TACC2: variants seen among roughly 807,000 people sequenced by gnomAD.
TACC2 encodes the protein transforming acidic coiled-coil containing protein 2.
Under a neutral mutation model 227.3 loss-of-function variants are expected in TACC2, and 137 were observed. The ratio of observed to expected loss-of-function variants is 0.60; its 90% confidence interval spans 0.52 to 0.69. TACC2 has a LOEUF of 0.69. Ranked by LOEUF, TACC2 falls within the 30% of genes least tolerant of loss-of-function variation. The probability of loss-of-function intolerance (pLI) is 0.00; values close to 1 mark genes in which losing one functional copy is unlikely to be tolerated. For missense variants in TACC2, 3,470 were observed against 3,694.4 expected (o/e 0.94, Z 1.57); for synonymous variants, 1,523 against 1,487.5 (o/e 1.02, Z -0.55).
In TACC2 at chr10:122,189,743, A is replaced by T. The variant is rs2094343592; in HGVS notation, c.5835-5297A>T. On this transcript the variant is annotated intron_variant, in intron 7 of 22. Transcript: ENST00000369005. ...GATAATCAGGTAACATTCAAATGTTATATAAACTTTAGATTTCCAGGATGA... is the reference window on the plus strand; with the variant it reads ...GATAATCAGGTAACATTCAAATGTTTTATAAACTTTAGATTTCCAGGATGA... 2.0e-5 allele frequency among the ~76,000 whole-genome samples: 3 copies of T among 152,246 alleles called. No homozygotes were observed. In the South Asian group the frequency reaches 6.2e-4, roughly 31 times the overall value.
intron 7 of TACC2, among the ~76,000 whole-genome samples, chr10:122,181,394 C>T (rs920318492): frequency 1.4e-4 from 21 of 152,096 alleles, no homozygotes; most frequent in Non-Finnish European, 2.8e-4. Flanking sequence ...GTGAAAGATG[C>T]AATAATTTTG....
intron 1 of TACC2, among the ~76,000 whole-genome samples, chr10:122,016,940 A>T (rs553061445): frequency 4.5e-4 from 69 of 152,326 alleles, no homozygotes; most frequent in Middle Eastern, 3.4e-3. Context: ...AGATTAGGAC[A>T]TAGACGGGCA....
At chr10:122,244,293 C>G (rs10887109) in intron 19 of TACC2, among the ~76,000 whole-genome samples, 47,777 of 152,108 alleles carry the variant, frequency 0.31, 8,204 homozygotes, top group South Asian at 0.43. Context: ...CCCTGAGACT[C>G]CTCCAGTGTC....
chr10:122,184,483 C>G (rs1340175676), intron 7 of TACC2, among the ~76,000 whole-genome samples: 1 of 152,188 alleles, frequency 6.6e-6, no homozygotes, highest in African/African-American at 2.4e-5. Flanking sequence ...GTATTGTATC[C>G]AGGACCTGGA....
chr10:122,198,337 G>A (rs1396592930), intron 8 of TACC2, among the ~76,000 whole-genome samples: 3 of 152,192 alleles, frequency 2.0e-5, no homozygotes, highest in African/African-American at 7.2e-5. Flanking sequence ...TCTGTGAAAT[G>A]AAGAGGGTGA....
In TACC2 at chr10:122,022,354, G is replaced by A. The variant is rs1957434800; in HGVS notation, c.33+340G>A. 2.0e-5 allele frequency: 4 copies of A among 201,710 alleles called. No individual in the cohort carries two copies. In the South Asian group the frequency reaches 4.5e-4, roughly 23 times the overall value. The allele number at this position is 201,710 out of a possible 1,614,324, so 12.5% of individuals were successfully genotyped here. A position where few individuals can be genotyped will look rare whatever the true frequency, so the allele number is the denominator to read the frequency against. Reference sequence around the variant, plus strand: ...ACACCTGGACTAAAGCGATCCTCCTGCCACACAGCCTTCCAAGTGTCTGGG... The same window carrying A: ...ACACCTGGACTAAAGCGATCCTCCTACCACACAGCCTTCCAAGTGTCTGGG... On this transcript the variant is annotated intron_variant, in intron 2 of 22. Coordinates refer to ENST00000369005, the MANE Select transcript of TACC2 (RefSeq NM_206862.4).
At chr10:122,116,250 G>T (rs1252163329) in intron 5 of TACC2, among the ~76,000 whole-genome samples, 1 of 152,180 alleles carries the variant, frequency 6.6e-6, no homozygotes, top group Non-Finnish European at 1.5e-5. Context: ...TTGTAATGGA[G>T]GTGTCATTTC....
intron 1 of TACC2, among the ~76,000 whole-genome samples, chr10:122,010,387 AG>A (rs1955777333): frequency 6.6e-6 from 1 of 152,180 alleles, no homozygotes; most frequent in African/African-American, 2.4e-5. Context: ...GTCTGCAGAG[AG>A]GGACGGTATG....
chr10:122,109,485 C>T (rs1252640122), intron 5 of TACC2, among the ~76,000 whole-genome samples: 1 of 152,096 alleles, frequency 6.6e-6, no homozygotes, highest in African/African-American at 2.4e-5. Flanking sequence ...GAGTTTCAGT[C>T]CCACAGCCTG....
intron 6 of TACC2, among the ~76,000 whole-genome samples, chr10:122,143,134 G>T (rs1258709045): frequency 2.0e-5 from 3 of 152,216 alleles, no homozygotes; most frequent in African/African-American, 7.2e-5. Flanking sequence ...ATTTTTCTCA[G>T]CCTTGGGATT....
At chr10:122,145,158 C>T (rs977401423) in intron 7 of TACC2, among the ~76,000 whole-genome samples, 1 of 152,172 alleles carries the variant, frequency 6.6e-6, no homozygotes, top group Non-Finnish European at 1.5e-5. Context: ...CAATATGACC[C>T]AGCAATCCCA....
Position 122,087,861 on chromosome 10 carries a change from T to C in TACC2, c.5361T>C (p.Ala1787=). 1.3e-6 allele frequency: 2 copies of C among 1,523,542 alleles called. No homozygotes were observed. Among genetic ancestry groups the C allele is most frequent in the Non-Finnish European group, 1.8e-6 (2 of 1,136,644 alleles). The allele number at this position is 1,523,542 out of a possible 1,614,324, so 94.4% of individuals were successfully genotyped here. Residue 1787 remains alanine (A), a synonymous_variant, in exon 4 of 23, where the codon GCT becomes GCC. Coordinates refer to ENST00000369005, the MANE Select transcript of TACC2 (RefSeq NM_206862.4). ...EQPGPERPIP[A]GDGKVCVSSP... is the part of the protein sequence containing the mutation. ...CAGGGCCTGAGCGCCCCATTCCAGC[T>C]GGGGATGGGAAGGTGTGCGTCTCCT...
At chr10:122,030,794 A>G (rs1221844459) in intron 2 of TACC2, among the ~76,000 whole-genome samples, 2 of 152,072 alleles carry the variant, frequency 1.3e-5, no homozygotes, top group Non-Finnish European at 2.9e-5. Flanking sequence ...AGAAACAAGT[A>G]GGAATGAAGC....
chr10:122,248,544 A>T, intron 19 of TACC2, 99 bp from the exon 20 acceptor site: 1 of 1,406,002 alleles, frequency 7.1e-7, no homozygotes, highest in Non-Finnish European at 9.9e-7. Context: ...AGATGCCCCC[A>T]CTGGTGAGGC....
rs1233315473 is a variant in TACC2 at position 122,082,894 on chromosome 10, G to A, written c.394G>A (p.Gly132Ser). ...LASPAAAPED[G>S]PQTQSPRREP... ...AAGTCCAGCAGCGGCACCTGAAGAT[G>A]GTCCTCAGACTCAGTCTCCCAGGAG... The change falls in exon 4 of 23, where the codon GGT becomes AGT. Residue 132 changes from glycine to serine, a missense_variant. By Grantham distance (56) the Gly-to-Ser change is moderately conservative. Transcript: ENST00000369005. The A allele has an allele frequency of 6.2e-7, 1 of 1,613,168 alleles. No homozygotes were observed. Among genetic ancestry groups the A allele is most frequent in the African/African-American group, 1.3e-5 (1 of 74,906 alleles).
Position 122,204,064 on chromosome 10 carries a change from A to G in TACC2, c.5972-6333A>G, listed in dbSNP as rs553466405. Among the ~76,000 whole-genome samples, 109 of 151,286 alleles carry G rather than the reference A, an allele frequency of 7.2e-4. 1 individual carries two copies. Among genetic ancestry groups the G allele is most frequent in the Non-Finnish European group, 1.4e-3 (98 of 67,928 alleles). On this transcript the variant is annotated intron_variant, in intron 8 of 22. Coordinates refer to ENST00000369005, the MANE Select transcript of TACC2 (RefSeq NM_206862.4). ...TCCCAGGCACTCGGCAGGCTGAGGCAGGAGAATCAGGCAGGGAGGTTGCAG... is the reference window on the plus strand; with the variant it reads ...TCCCAGGCACTCGGCAGGCTGAGGCGGGAGAATCAGGCAGGGAGGTTGCAG...
intron 5 of TACC2, among the ~76,000 whole-genome samples, chr10:122,089,596 G>T (rs1313550812): frequency 6.6e-6 from 1 of 152,246 alleles, no homozygotes. Context: ...CAGTGAACAA[G>T]CTTTCCGCCT....
rs1322012973 is a variant in TACC2 at position 122,132,736 on chromosome 10, T to TA, written c.5699+3dup. ...CTCTACGGATCTGATAGCCCAGAGG[T>TA]ACGGTGGGGGCCCTGGAGCTGGTGA... On this transcript the variant is annotated splice_region_variant and intron_variant, in intron 6 of 22. Coordinates refer to ENST00000369005, the MANE Select transcript of TACC2 (RefSeq NM_206862.4). 1 of 1,613,920 alleles carries TA rather than the reference T, an allele frequency of 6.2e-7. No individual in the cohort carries two copies. Among genetic ancestry groups the TA allele is most frequent in the East Asian group, 2.2e-5 (1 of 44,838 alleles).
chr10:122,112,602 A>C (rs2083802351), intron 5 of TACC2, among the ~76,000 whole-genome samples: 2 of 152,222 alleles, frequency 1.3e-5, no homozygotes, highest in African/African-American at 2.4e-5. Flanking sequence ...GGGTAGCCTC[A>C]GGCGGGCAAC....
Sources: allele counts gnomAD v4.1 joint callset (sites outside exome capture counted in the v4.1 genomes callset), GRCh38; gene constraint gnomAD v4.1.1; transcripts MANE v1.5; gene names NCBI Gene and HGNC (gene_info 2026-07-23, HGNC 2026-07-21).